Variants in SUSD6 observed in about 807,000 individuals in gnomAD.
SUSD6 encodes the protein sushi domain containing 6.
In SUSD6, 16 loss-of-function variants were observed where a neutral mutation model predicts 28.4. The observed-to-expected ratio is 0.56, with a 90% CI of 0.38 to 0.86. The LOEUF (loss-of-function observed/expected upper bound fraction) is 0.86, where lower values mean the gene tolerates loss of function less well. SUSD6 is among the 40% of genes least tolerant of loss of function. The pLI is 0.00. For missense variants in SUSD6, 341 were observed against 384.2 expected, an observed-to-expected ratio of 0.89 and a Z score of 0.94; for synonymous variants, 147 against 159.6, an observed-to-expected ratio of 0.92 and a Z score of 0.59.
chr14:69,674,753 T>C (rs1012648437), intron 2 of SUSD6, among the ~76,000 whole-genome samples: 12 of 151,920 alleles, frequency 7.9e-5, no homozygotes, highest in Non-Finnish European at 1.5e-4. Flanking sequence ...AGAATTAGAG[T>C]TAGTACAGCC....
rs1488295504 is a variant in SUSD6, at chr14:69,710,853, TAGGGGCTATGTAGGATAGCCCCTA to T, written c.887-98_887-75del. 1.5e-5 allele frequency: 16 copies of T among 1,081,618 alleles called. No homozygotes were observed. In the Admixed American group the frequency reaches 2.7e-4, roughly 19 times the overall value. 67.0% of individuals were successfully genotyped at this position (1,081,618 alleles called of 1,614,324 possible). On this transcript the variant is annotated intron_variant, in intron 5 of 5. Transcript: ENST00000342745. ...AGTGGGACATTTACTTTCTTTAAAT[TAGGGGCTATGTAGGATAGCCCCTA>T]AGTTGCAGTGGGGTCGAGAGTGCTC... is the stretch of plus-strand genomic sequence containing the variant.
intron 1 of SUSD6, among the ~76,000 whole-genome samples, chr14:69,612,945 G>C (rs1243147987): frequency 1.3e-5 from 2 of 152,104 alleles, no homozygotes; most frequent in African/African-American, 4.8e-5. Flanking sequence ...CACCTTTTCT[G>C]TTTTGGGAAT....
intron 1 of SUSD6, among the ~76,000 whole-genome samples, chr14:69,634,820 G>C (rs968297447): frequency 1.3e-5 from 2 of 152,152 alleles, no homozygotes; most frequent in Admixed American, 6.5e-5. Flanking sequence ...CTACTGTTGG[G>C]ATGAAGGGAT....
At chr14:69,622,491 C>T (rs990733217) in intron 1 of SUSD6, among the ~76,000 whole-genome samples, 1 of 152,142 alleles carries the variant, frequency 6.6e-6, no homozygotes, top group Non-Finnish European at 1.5e-5. Flanking sequence ...GTCTCTTCTC[C>T]TCATAGATTT....
intron 2 of SUSD6, among the ~76,000 whole-genome samples, chr14:69,684,145 C>T (rs1431930871): frequency 6.6e-6 from 1 of 152,212 alleles, no homozygotes; most frequent in Non-Finnish European, 1.5e-5. Context: ...TAGCAGGTTT[C>T]AAGCCTCTGC....
chr14:69,641,766 A>T (rs545803035), intron 1 of SUSD6, among the ~76,000 whole-genome samples: 4,282 of 150,232 alleles, frequency 0.029, 125 homozygotes, highest in South Asian at 0.15. Context: ...ATTTAAAAAA[A>T]ATTTTTTTTT....
intron 2 of SUSD6, among the ~76,000 whole-genome samples, chr14:69,691,810 C>T (rs950616340): frequency 3.9e-5 from 6 of 152,088 alleles, no homozygotes; most frequent in African/African-American, 9.7e-5. Flanking sequence ...GAGGCTGAGG[C>T]GGGTGGATTA....
intron 2 of SUSD6, among the ~76,000 whole-genome samples, chr14:69,682,837 C>T (rs1293039634): frequency 6.6e-6 from 1 of 152,056 alleles, no homozygotes; most frequent in Non-Finnish European, 1.5e-5. Flanking sequence ...TCCCTTTTTT[C>T]CCCTGCAGCC....
intron 1 of SUSD6, among the ~76,000 whole-genome samples, chr14:69,651,311 A>G (rs184268300): frequency 6.6e-6 from 1 of 152,276 alleles, no homozygotes; most frequent in Non-Finnish European, 1.5e-5. Context: ...AAGTTGGGGA[A>G]AGCGTGTTGC....
chr14:69,648,941 CT>C (rs1239299457), intron 1 of SUSD6, among the ~76,000 whole-genome samples: 1 of 152,012 alleles, frequency 6.6e-6, no homozygotes, highest in Non-Finnish European at 1.5e-5. Flanking sequence ...CTTTATCTTT[CT>C]TTGTAAGTAG....
At chr14:69,662,736 A>C (rs1423946846) in intron 2 of SUSD6, among the ~76,000 whole-genome samples, 1 of 152,232 alleles carries the variant, frequency 6.6e-6, no homozygotes, top group Non-Finnish European at 1.5e-5. Flanking sequence ...CAGGTCTCCA[A>C]GTCTTTCATT....
Position 69,632,529 on chromosome 14 carries a change from G to A in SUSD6, c.-81+20701G>A, listed in dbSNP as rs114401049. The stretch of plus-strand genomic sequence containing the variant: ...GCCAGTAAAACTTCAGTGCAGGACT[G>A]TTGAGACGTATTTGTCATGATGTGA... On this transcript the variant is annotated intron_variant, in intron 1 of 5. Coordinates refer to ENST00000342745, the MANE Select transcript of SUSD6 (RefSeq NM_014734.4). 8.4e-3 allele frequency among the ~76,000 whole-genome samples: 1,275 copies of A among 152,196 alleles called. 13 individuals carry two copies. The highest frequency in any genetic ancestry group is 0.029 in the African/African-American group (1,211 of 41,524).
intron 2 of SUSD6, among the ~76,000 whole-genome samples, chr14:69,665,179 G>A (rs1885720408): frequency 6.6e-6 from 1 of 152,154 alleles, no homozygotes; most frequent in Admixed American, 6.5e-5. Context: ...CCTGTTCATC[G>A]ACCTCATCTT....
At position 69,682,814 on chromosome 14, in the gene SUSD6, A is replaced by G. The variant is rs1886016199; in HGVS notation, c.122-20581A>G. Among the ~76,000 whole-genome samples, 4 of 152,204 alleles carry G rather than the reference A, an allele frequency of 2.6e-5. No individual in the cohort carries two copies. In the South Asian group the frequency reaches 8.3e-4, roughly 31 times the overall value. ...ACTATGCTGAGTTCCACATCTGATC[A>G]TAAGAAGTTGCCTCCCTTTTTTCCC... is the stretch of plus-strand genomic sequence containing the variant. On this transcript the variant is annotated intron_variant, in intron 2 of 5. Transcript: ENST00000342745.
intron 1 of SUSD6, among the ~76,000 whole-genome samples, chr14:69,631,325 C>T (rs1885191402): frequency 1.3e-5 from 2 of 152,154 alleles, no homozygotes; most frequent in South Asian, 2.1e-4. Flanking sequence ...CATAGTATAT[C>T]TAGGATAATT....
At chr14:69,656,145 C>T (rs927565411) in intron 1 of SUSD6, among the ~76,000 whole-genome samples, 4 of 143,778 alleles carry the variant, frequency 2.8e-5, no homozygotes, top group Non-Finnish European at 6.1e-5. Context: ...TCCCTCCCTC[C>T]GTCTTCCTCC....
At chr14:69,614,674 T>A (rs934078671) in intron 1 of SUSD6, among the ~76,000 whole-genome samples, 2 of 152,216 alleles carry the variant, frequency 1.3e-5, no homozygotes, top group Non-Finnish European at 2.9e-5. Context: ...ACTACTGGTA[T>A]CATTTGTAGG....
At chr14:69,628,518 A>C (rs542517732) in intron 1 of SUSD6, among the ~76,000 whole-genome samples, 235 of 152,310 alleles carry the variant, frequency 1.5e-3, no homozygotes, top group African/African-American at 5.5e-3. Context: ...GAAAAGAAAG[A>C]AGAAAAATCC....
rs926694467 is a variant in SUSD6 at position 69,622,382 on chromosome 14, G to A, written c.-81+10554G>A. The stretch of plus-strand genomic sequence containing the variant: ...GGGGTTTTGCCATGTTGCCCAGGCC[G>A]GTCTTGAGCTCCTGGACTCAAGTGA... On this transcript the variant is annotated intron_variant, in intron 1 of 5. Transcript: ENST00000342745. Among the ~76,000 whole-genome samples the A allele has an allele frequency of 3.9e-5, 6 of 152,010 alleles. 1 individual carries two copies. Among genetic ancestry groups the A allele is most frequent in the Admixed American group, 2.0e-4 (3 of 15,266 alleles).
Sources: gnomAD v4.1 joint callset for allele counts (sites outside exome capture counted in the v4.1 genomes callset) on GRCh38, gnomAD v4.1.1 for gene constraint, MANE v1.5 for transcripts, NCBI Gene and HGNC (gene_info 2026-07-23, HGNC 2026-07-21) for gene names.